Variants in NAV2 observed in about 807,000 individuals in gnomAD.
NAV2 encodes helicase, APC down-regulated 1.
Under a neutral mutation model 223.2 loss-of-function variants are expected in NAV2, and 54 were observed. That is an observed-to-expected ratio of 0.24 (90% confidence interval 0.19 to 0.30). The LOEUF (loss-of-function observed/expected upper bound fraction) is 0.30. Ranked by LOEUF, NAV2 falls within the 10% of genes least tolerant of loss-of-function variation. The probability of loss-of-function intolerance (pLI) is 1.00; values close to 1 mark genes in which losing one functional copy is unlikely to be tolerated. For missense variants in NAV2, 2,806 were observed against 3,147.5 expected, an observed-to-expected ratio of 0.89 and a Z score of 2.60; for synonymous variants, 1,279 against 1,239.3, an observed-to-expected ratio of 1.03 and a Z score of -0.67.
intron 5 of NAV2, among the ~76,000 whole-genome samples, chr11:19,884,066 CA>C (rs112309532): frequency 2.0e-5 from 3 of 152,318 alleles, no homozygotes; most frequent in African/African-American, 7.2e-5. Context: ...TGAATACATA[CA>C]CACAAGCATT....
At chr11:19,654,961 A>C (rs1449826514) in intron 1 of NAV2, among the ~76,000 whole-genome samples, 2 of 152,226 alleles carry the variant, frequency 1.3e-5, no homozygotes, top group Admixed American at 6.5e-5. Flanking sequence ...GGCAACCTAC[A>C]GAATGGGAGA....
chr11:19,381,246 T>C (rs1401202133), intron 1 of NAV2, among the ~76,000 whole-genome samples: 1 of 152,190 alleles, frequency 6.6e-6, no homozygotes, highest in Non-Finnish European at 1.5e-5. Flanking sequence ...TCAATTTCCT[T>C]GTCTCTCTAC....
chr11:19,791,694 C>T (rs1045566526), intron 1 of NAV2, among the ~76,000 whole-genome samples: 2 of 152,152 alleles, frequency 1.3e-5, no homozygotes, highest in African/African-American at 2.4e-5. Flanking sequence ...GAATCTCAGG[C>T]CATAACCATC....
intron 11 of NAV2, among the ~76,000 whole-genome samples, chr11:19,996,009 C>A (rs980870834): frequency 6.6e-6 from 1 of 152,088 alleles, no homozygotes; most frequent in African/African-American, 2.4e-5. Flanking sequence ...AGTTGACAGG[C>A]TTTGCATGGT....
At chr11:19,460,722 G>A (rs1027567058) in intron 1 of NAV2, among the ~76,000 whole-genome samples, 5 of 151,974 alleles carry the variant, frequency 3.3e-5, no homozygotes, top group African/African-American at 4.8e-5. Flanking sequence ...CACCAACATG[G>A]CACATGTATA....
At chr11:19,498,225 G>A (rs573724071) in intron 1 of NAV2, among the ~76,000 whole-genome samples, 2 of 152,274 alleles carry the variant, frequency 1.3e-5, no homozygotes, top group Admixed American at 1.3e-4. Context: ...AGCACCCCCT[G>A]ATCTTATTAC....
chr11:19,496,824 CAAA>C (rs566830746), intron 1 of NAV2, among the ~76,000 whole-genome samples: 399 of 152,150 alleles, frequency 2.6e-3, no homozygotes, highest in African/African-American at 9.0e-3. Context: ...CACTAAAAAA[CAAA>C]AAACAAAAAC....
At chr11:19,596,757 T>C (rs2046216502) in intron 1 of NAV2, among the ~76,000 whole-genome samples, 1 of 152,260 alleles carries the variant, frequency 6.6e-6, no homozygotes, top group South Asian at 2.1e-4. Context: ...CAGCAAATGA[T>C]GGCACTACTT....
At chr11:20,042,610 C>T (rs531351994) in intron 12 of NAV2, among the ~76,000 whole-genome samples, 1 of 152,104 alleles carries the variant, frequency 6.6e-6, no homozygotes, top group Non-Finnish European at 1.5e-5. Context: ...ACTTGGGCTG[C>T]CTATCTGTTT....
chr11:19,562,760 C>T (rs1055804680), intron 1 of NAV2, among the ~76,000 whole-genome samples: 2 of 152,166 alleles, frequency 1.3e-5, no homozygotes, highest in African/African-American at 4.8e-5. Context: ...CAGGTCAGAG[C>T]CCAGGTTTTA....
chr11:20,050,061 G>T (rs2057827484), intron 16 of NAV2, among the ~76,000 whole-genome samples, 160 bp downstream of exon 16: 2 of 152,216 alleles, frequency 1.3e-5, no homozygotes, highest in South Asian at 4.1e-4. Flanking sequence ...GTGAGAGTCT[G>T]TTCCTCTGTC....
chr11:19,446,152 C>T (rs975746390), intron 1 of NAV2, among the ~76,000 whole-genome samples: 3 of 152,172 alleles, frequency 2.0e-5, no homozygotes, highest in African/African-American at 4.8e-5. Flanking sequence ...ATTTGATTAT[C>T]TAGCTCTACA....
At chr11:19,350,254 G>A (rs974348854), upstream of NAV2, among the ~76,000 whole-genome samples, 2 of 152,326 alleles carry the variant, frequency 1.3e-5, no homozygotes, top group East Asian at 1.9e-4. Flanking sequence ...CTTGGAAAAC[G>A]ATCATCGGCT....
rs72895781 is a variant in NAV2 at position 19,820,793 on chromosome 11, G to A, written c.268-11691G>A. Among the ~76,000 whole-genome samples, 1,414 of 152,298 alleles carry A rather than the reference G, an allele frequency of 9.3e-3. 15 individuals are homozygous for A. The highest frequency in any genetic ancestry group is 0.014 in the Admixed American group (212 of 15,300). ...GCAGCTCTAAATGTTTGGTCCTGGC[G>A]TATTGGAGCTGTTACTCCAGTGAGT... On this transcript the variant is annotated intron_variant, in intron 1 of 37. Transcript: ENST00000349880.
chr11:20,053,334 A>G (rs567132369), intron 17 of NAV2, among the ~76,000 whole-genome samples: 1 of 152,046 alleles, frequency 6.6e-6, no homozygotes, highest in African/African-American at 2.4e-5. Flanking sequence ...CTCTGTGACT[A>G]CCAGCAGGGT....
At chr11:19,447,435 C>G (rs765319298) in intron 1 of NAV2, among the ~76,000 whole-genome samples, 44 of 152,152 alleles carry the variant, frequency 2.9e-4, no homozygotes, top group Non-Finnish European at 4.9e-4. Context: ...TTGATTCCAG[C>G]TCCACCACTT....
chr11:19,977,456 A>G (rs1050874313), intron 10 of NAV2, among the ~76,000 whole-genome samples: 4 of 152,142 alleles, frequency 2.6e-5, no homozygotes, highest in African/African-American at 7.2e-5. Flanking sequence ...CTTGAATTTC[A>G]CCTTTATTTG....
intron 8 of NAV2, among the ~76,000 whole-genome samples, chr11:19,945,167 C>T (rs1246913667): frequency 6.1e-4 from 26 of 42,526 alleles, no homozygotes; most frequent in African/African-American, 2.8e-3. Flanking sequence ...CTTCCCTTCC[C>T]TTCCCTTCCC....
chr11:19,410,919 G>C (rs889033929), intron 1 of NAV2, among the ~76,000 whole-genome samples: 1 of 152,144 alleles, frequency 6.6e-6, no homozygotes, highest in Non-Finnish European at 1.5e-5. Context: ...AGAGCAGCTT[G>C]ACATCAAATC....
Sources: allele counts gnomAD v4.1 joint callset (sites outside exome capture counted in the v4.1 genomes callset), GRCh38; gene constraint gnomAD v4.1.1; transcripts MANE v1.5; gene names NCBI Gene and HGNC (gene_info 2026-07-23, HGNC 2026-07-21).